Variants in CASC3 observed in about 807,000 individuals in gnomAD.
The protein encoded by CASC3 is protein CASC3.
CASC3 carries 30 observed loss-of-function variants against 80.5 expected under a neutral mutation model. That is an observed-to-expected ratio of 0.37 (90% CI 0.28 to 0.51). CASC3 has a LOEUF of 0.51. CASC3 is among the 20% of genes least tolerant of loss of function. The pLI is 0.94. For missense variants in CASC3, 824 were observed against 922.2 expected (o/e 0.89, Z 1.38); for synonymous variants, 312 against 333.6 (o/e 0.94, Z 0.70).
chr17:40,160,805 AAG>A (rs1270707554), intron 3 of CASC3, among the ~76,000 whole-genome samples: 2 of 152,010 alleles, frequency 1.3e-5, no homozygotes, highest in Non-Finnish European at 2.9e-5. Context: ...TCCTGACCTC[AAG>A]TGATACGCCT....
At chr17:40,166,563 CATTTT>C (rs1989453518) in intron 7 of CASC3, among the ~76,000 whole-genome samples, 1 of 152,230 alleles carries the variant, frequency 6.6e-6, no homozygotes, top group East Asian at 1.9e-4. Context: ...TCACTGAAGT[CATTTT>C]ATTTTTCATT....
chr17:40,154,258 A>G (rs1989088964), intron 3 of CASC3, among the ~76,000 whole-genome samples: 1 of 151,928 alleles, frequency 6.6e-6, no homozygotes, highest in South Asian at 2.1e-4. Flanking sequence ...TATTATCCAG[A>G]GTGGTCTCAA....
chr17:40,161,776 A>G lies in CASC3; in HGVS notation c.321A>G (p.Glu107=). 3 of 1,614,166 alleles carry G rather than the reference A, an allele frequency of 1.9e-6. No individual in the cohort carries two copies. The highest frequency in any genetic ancestry group is 2.5e-6 in the Non-Finnish European group (3 of 1,180,022). ...AGGGTGAAGAAGGTGAATACAGTGA[A>G]GAGGAAAACTCCAAAGTGGAGCTGA... ...DSEGEEGEYS[E]EENSKVELKS... The change falls in exon 4 of 14, where the codon GAA becomes GAG. Residue 107 remains glutamate (E), a synonymous_variant. Coordinates refer to ENST00000264645, the MANE Select transcript of CASC3 (RefSeq NM_007359.5).
At chr17:40,144,398 G>T (rs1378625531) in intron 3 of CASC3, among the ~76,000 whole-genome samples, 1 of 149,330 alleles carries the variant, frequency 6.7e-6, no homozygotes, top group Non-Finnish European at 1.5e-5. Context: ...AGGCAAGAGT[G>T]CAGTGGCATG....
chr17:40,167,330 G>A (rs1255200825), intron 8 of CASC3, 168 bp from the exon 9 acceptor site: 1 of 599,122 alleles, frequency 1.7e-6, no homozygotes, highest in African/African-American at 1.9e-5. Flanking sequence ...TAAGGTAGAA[G>A]GTTTAGGTTC....
At chr17:40,141,458 C>A in intron 2 of CASC3, 112 bp from the exon 3 acceptor site, 1 of 960,962 alleles carries the variant, frequency 1.0e-6, no homozygotes. Flanking sequence ...TAATTTTATC[C>A]ACGTTGTAGG....
At chr17:40,141,375 G>T in intron 2 of CASC3, 141 bp downstream of exon 2, 1 of 897,986 alleles carries the variant, frequency 1.1e-6, no homozygotes, top group Admixed American at 1.9e-5. Flanking sequence ...GTGGTTAAGA[G>T]CATAGGCTTT....
chr17:40,169,137 C>G, intron 11 of CASC3, 187 bp from the exon 12 acceptor site: 1 of 593,702 alleles, frequency 1.7e-6, no homozygotes, highest in Non-Finnish European at 2.8e-6. Flanking sequence ...GAAATAAAAA[C>G]CAGAGCATAA....
At chr17:40,151,694 CAA>C (rs1010260103) in intron 3 of CASC3, among the ~76,000 whole-genome samples, 63 of 53,088 alleles carry the variant, frequency 1.2e-3, no homozygotes, top group African/African-American at 3.5e-3. Flanking sequence ...ACCTTCATCT[CAA>C]AAAAAAAAAA....
chr17:40,157,451 G>A (rs1196334524), intron 3 of CASC3, among the ~76,000 whole-genome samples: 1 of 152,110 alleles, frequency 6.6e-6, no homozygotes, highest in Non-Finnish European at 1.5e-5. Flanking sequence ...CGAGGTGGGC[G>A]GCTTGCCTGA....
intron 4 of CASC3, 30 bp downstream of exon 4, chr17:40,161,941 G>A (rs1989311655): frequency 2.5e-6 from 4 of 1,613,388 alleles, no homozygotes; most frequent in Non-Finnish European, 3.4e-6. Flanking sequence ...CTCCATTTTA[G>A]AGGCTGGAAT....
At position 40,144,363 on chromosome 17, in the gene CASC3, G is replaced by C. The variant is rs373996413; in HGVS notation, c.297+2756G>C. 1.4e-4 allele frequency among the ~76,000 whole-genome samples: 20 copies of C among 138,758 alleles called. No individual in the cohort carries two copies. The South Asian group carries it at 4.6e-3, about 32-fold the overall frequency. The allele number at this position is 138,758 out of a possible 152,430, so 91.0% of individuals were successfully genotyped here. The stretch of plus-strand genomic sequence containing the variant: ...TCTTTTTCTTTTTTTTTTTTTGCTT[G>C]AGATGGAGTCTTGCTCTGTAACCCA... On this transcript the variant is annotated intron_variant, in intron 3 of 13. Transcript: ENST00000264645.
chr17:40,142,626 C>T (rs1190161747), intron 3 of CASC3, among the ~76,000 whole-genome samples: 2 of 152,174 alleles, frequency 1.3e-5, no homozygotes, highest in African/African-American at 2.4e-5. Context: ...CGGTGGCTCA[C>T]GCCTATAATC....
intron 3 of CASC3, among the ~76,000 whole-genome samples, chr17:40,144,595 TC>T (rs1988805943): frequency 6.7e-6 from 1 of 150,310 alleles, no homozygotes; most frequent in South Asian, 2.1e-4. Flanking sequence ...TCCGTCCGCC[TC>T]AGCTTCCCAA....
At chr17:40,154,360 A>C (rs1989091569) in intron 3 of CASC3, among the ~76,000 whole-genome samples, 1 of 151,732 alleles carries the variant, frequency 6.6e-6, no homozygotes, top group South Asian at 2.1e-4. Context: ...CTTTGCCCAA[A>C]GTAGCTGGGA....
At chr17:40,162,345 G>A (rs1427902686) in intron 5 of CASC3, among the ~76,000 whole-genome samples, 192 bp downstream of exon 5, 1 of 152,022 alleles carries the variant, frequency 6.6e-6, no homozygotes, top group Admixed American at 6.6e-5. Context: ...TACAGACCTA[G>A]GACAGTTTGT....
chr17:40,167,975 C>A, intron 10 of CASC3, 27 bp downstream of exon 10: 1 of 1,586,158 alleles, frequency 6.3e-7, no homozygotes, highest in Non-Finnish European at 8.7e-7. Flanking sequence ...TGCTTATATG[C>A]TTCCAGTACC....
chr17:40,151,807 T>A (rs546097179), intron 3 of CASC3, among the ~76,000 whole-genome samples: 1 of 152,324 alleles, frequency 6.6e-6, no homozygotes, highest in African/African-American at 2.4e-5. Context: ...ATTCTGGCCT[T>A]TCATATGAAT....
chr17:40,161,743 C>G lies in CASC3; in HGVS notation c.298-10C>G. On this transcript the variant is annotated splice_polypyrimidine_tract_variant and intron_variant, in intron 3 of 13. Transcript: ENST00000264645. Reference sequence around the variant, plus strand: ...CTTATATGCATCGCTGACAGGGAAACTTTTTTCAGGGTGAAGAAGGTGAAT... The same window carrying G: ...CTTATATGCATCGCTGACAGGGAAAGTTTTTTCAGGGTGAAGAAGGTGAAT... 6.2e-7 allele frequency: 1 copy of G among 1,613,222 alleles called. No individual in the cohort carries two copies. The highest frequency in any genetic ancestry group is 1.7e-4 in the Middle Eastern group (1 of 6,060).
Sources: gnomAD v4.1 joint callset for allele counts (sites outside exome capture counted in the v4.1 genomes callset) on GRCh38, gnomAD v4.1.1 for gene constraint, MANE v1.5 for transcripts, NCBI Gene and HGNC (gene_info 2026-07-23, HGNC 2026-07-21) for gene names.